Variants in SETMAR observed in about 807,000 individuals in gnomAD.
The protein encoded by SETMAR is SET and mariner transposase domain methyltransferase.
In SETMAR, 44 loss-of-function variants were observed where a neutral mutation model predicts 58.4. The ratio of observed to expected loss-of-function variants is 0.75; its 90% confidence interval spans 0.59 to 0.97. SETMAR has a LOEUF of 0.97. SETMAR is among the 50% of genes least tolerant of loss of function. The pLI, the probability that SETMAR is intolerant of heterozygous loss-of-function variation, is 0.00. For missense variants in SETMAR, 903 were observed against 840.2 expected (o/e 1.07, Z -0.92); for synonymous variants, 332 against 307.4 (o/e 1.08, Z -0.84).
intron 1 of SETMAR, chr3:4,303,938 A>G: frequency 8.9e-7 from 1 of 1,129,904 alleles, no homozygotes; most frequent in Non-Finnish European, 1.1e-6. Context: ...CCCTCGAGTC[A>G]GCCTTAGCTG....
Position 4,313,600 on chromosome 3 carries a change from T to G in SETMAR, c.859T>G (p.Cys287Gly). ...AGATCATGGGAAACTAAGGAAACCT[T>G]GTTACTGTGGTGCCAAATCATGTAC... is the stretch of plus-strand genomic sequence containing the variant. Reference protein sequence around the residue: ...RLDHGKLRKPCYCGAKSCTAF... With the variant: ...RLDHGKLRKPGYCGAKSCTAF... The change falls in exon 2 of 3, where the codon TGT (cysteine) becomes GGT (glycine). Residue 287 changes from cysteine to glycine, a missense_variant. Coordinates refer to ENST00000358065, the MANE Select transcript of SETMAR (RefSeq NM_006515.4). 1 of 1,614,074 alleles carries G rather than the reference T, an allele frequency of 6.2e-7. No homozygotes were observed. The highest frequency in any genetic ancestry group is 8.5e-7 in the Non-Finnish European group (1 of 1,179,976).
chr3:4,312,920 G>C lies in SETMAR; in HGVS notation c.179G>C (p.Gly60Ala). The C allele has an allele frequency of 1.2e-6, 2 of 1,612,782 alleles. No individual in the cohort carries two copies. Among genetic ancestry groups the C allele is most frequent in the Non-Finnish European group, 8.5e-7 (1 of 1,179,210 alleles). ...PFQYTPDHVV[G>A]PGADIDPTQI... is the part of the protein sequence containing the mutation. The stretch of plus-strand genomic sequence containing the variant: ...CAGTACACTCCTGATCATGTAGTTG[G>C]ACCTGGAGCAGACATTGATCCCACT... The change falls in exon 2 of 3, where the codon GGA (glycine) becomes GCA (alanine). Residue 60 changes from glycine (G) to alanine (A), a missense_variant. Coordinates refer to ENST00000358065, the MANE Select transcript of SETMAR (RefSeq NM_006515.4).
chr3:4,309,501 C>T (rs774765991), intron 1 of SETMAR, among the ~76,000 whole-genome samples: 8 of 152,160 alleles, frequency 5.3e-5, no homozygotes, highest in Non-Finnish European at 7.4e-5. Context: ...AAACATAACA[C>T]AAACTGGCTC....
intron 1 of SETMAR, among the ~76,000 whole-genome samples, chr3:4,306,968 G>T (rs1698213319): frequency 6.6e-6 from 1 of 152,202 alleles, no homozygotes; most frequent in South Asian, 2.1e-4. Flanking sequence ...TCAGGTCTCT[G>T]AAACCAGCTT....
Position 4,313,268 on chromosome 3 carries a change from C to T in SETMAR, c.527C>T (p.Ser176Phe). 2 of 1,613,950 alleles carry T rather than the reference C, an allele frequency of 1.2e-6. No individual in the cohort carries two copies. The highest frequency in any genetic ancestry group is 1.7e-6 in the Non-Finnish European group (2 of 1,179,958). Residue 176 changes from serine to phenylalanine, a missense_variant, in exon 2 of 3, where the codon TCT becomes TTT. Transcript: ENST00000358065. ...CEYAGEVLGF[S>F]EVQRRIHLQT... Reference sequence around the variant, plus strand: ...TATGCTGGTGAGGTTTTAGGATTCTCTGAAGTTCAGAGAAGAATTCACTTA... The same window carrying T: ...TATGCTGGTGAGGTTTTAGGATTCTTTGAAGTTCAGAGAAGAATTCACTTA...
intron 1 of SETMAR, among the ~76,000 whole-genome samples, chr3:4,311,861 C>A (rs1698418374): frequency 1.3e-5 from 2 of 152,144 alleles, no homozygotes; most frequent in South Asian, 4.1e-4. Flanking sequence ...TTACTATATA[C>A]ATAAAAAAAT....
rs367907715 is a variant in SETMAR at position 4,311,292 on chromosome 3, C to T, written c.157-1606C>T. 1.1e-4 allele frequency among the ~76,000 whole-genome samples: 16 copies of T among 152,252 alleles called. 1 individual carries two copies. In the East Asian group the frequency reaches 1.9e-3, roughly 18 times the overall value. ...AGTATAACTATCTGCTGTTCAATAC[C>T]TTTCTAAAGCCTGGCCTGGAGACAA... is the stretch of plus-strand genomic sequence containing the variant. On this transcript the variant is annotated intron_variant, in intron 1 of 2. Coordinates refer to ENST00000358065, the MANE Select transcript of SETMAR (RefSeq NM_006515.4).
rs1184854207 is a variant in SETMAR, at chr3:4,316,650, C to T, written c.1459C>T (p.Pro487Ser). The change falls in exon 3 of 3, where the codon CCA becomes TCA. Residue 487 changes from proline to serine, a missense_variant. Transcript: ENST00000358065. ...SSLILRNHNE[P>S]FLDRIVTCDE... ...TCTTATTCTACGCAACCACAACGAA[C>T]CATTTCTCGATCGGATTGTGACGTG... 4 of 1,551,086 alleles carry T rather than the reference C, an allele frequency of 2.6e-6. No individual in the cohort carries two copies. Among genetic ancestry groups the T allele is most frequent in the Admixed American group, 3.9e-5 (2 of 50,966 alleles).
intron 1 of SETMAR, chr3:4,303,736 T>G: frequency 6.7e-7 from 1 of 1,494,366 alleles, no homozygotes; most frequent in Non-Finnish European, 9.0e-7. Flanking sequence ...GTTGTCCTTT[T>G]CAGTCCATTC....
In SETMAR at chr3:4,317,059, A is replaced by C. The variant is rs765416778; in HGVS notation, c.1868A>C (p.Asn623Thr). The change falls in exon 3 of 3, where the codon AAC (asparagine) becomes ACC (threonine). Residue 623 changes from asparagine (N) to threonine (T), a missense_variant. Physicochemically the swap from Asn to Thr is moderately conservative, Grantham distance 65. Coordinates refer to ENST00000358065, the MANE Select transcript of SETMAR (RefSeq NM_006515.4). ...PPYSPDLLPT[N>T]YHVFKHLNNF... ...TATTCACCTGACCTCTTGCCAACCA[A>C]CTACCACGTCTTTAAGCATCTCAAC... The C allele has an allele frequency of 1.9e-6, 3 of 1,549,186 alleles. No individual in the cohort carries two copies. In the Admixed American group the frequency reaches 5.9e-5, roughly 30 times the overall value.
intron 1 of SETMAR, among the ~76,000 whole-genome samples, chr3:4,308,564 T>G (rs575541102): frequency 1.2e-3 from 179 of 152,318 alleles, no homozygotes; most frequent in Non-Finnish European, 2.2e-3. Context: ...CCACCCCAAA[T>G]GTGGGTATTA....
intron 1 of SETMAR, among the ~76,000 whole-genome samples, chr3:4,309,391 A>G (rs1288959288): frequency 6.6e-6 from 1 of 152,068 alleles, no homozygotes; most frequent in African/African-American, 2.4e-5. Flanking sequence ...GGGATTTAGA[A>G]TTTTATTTTT....
rs545181080 is a variant in SETMAR, at chr3:4,307,940, T to C, written c.156+4414T>C. On this transcript the variant is annotated intron_variant, in intron 1 of 2. Transcript: ENST00000358065. ...GGTGCATGCCTGTAGTCCCACCTAC[T>C]TGGGAGGCTGACCTTGAGCCCAGCA... Among the ~76,000 whole-genome samples the C allele has an allele frequency of 7.9e-5, 12 of 152,234 alleles. No individual in the cohort carries two copies. The South Asian group carries it at 2.3e-3, about 29-fold the overall frequency.
intron 2 of SETMAR, among the ~76,000 whole-genome samples, chr3:4,315,539 C>G (rs916790433): frequency 5.9e-5 from 9 of 152,166 alleles, no homozygotes; most frequent in Non-Finnish European, 1.2e-4. Context: ...TATTATATAG[C>G]ACTTAATCCT....
chr3:4,304,579 T>C (rs1459488430), intron 1 of SETMAR, among the ~76,000 whole-genome samples: 1 of 152,196 alleles, frequency 6.6e-6, no homozygotes, highest in Non-Finnish European at 1.5e-5. Flanking sequence ...TCTTAGCTAC[T>C]TCCCAGAGCC....
At chr3:4,310,195 A>G (rs1416532431) in intron 1 of SETMAR, among the ~76,000 whole-genome samples, 2 of 152,218 alleles carry the variant, frequency 1.3e-5, no homozygotes, top group Non-Finnish European at 2.9e-5. Context: ...GCACATGACT[A>G]CTCGAAGTTT....
Position 4,303,443 on chromosome 3 carries a change from A to G in SETMAR, c.73A>G (p.Thr25Ala), listed in dbSNP as rs1344326911. The stretch of plus-strand genomic sequence containing the variant: ...GTTTAAGGAGAAGCCTGAGGCCCCG[A>G]CTGAGCAGCTGGATGTCGCGTGCGG... ...AEFKEKPEAP[T>A]EQLDVACGQE... The change falls in exon 1 of 3, where the codon ACT (threonine) becomes GCT (alanine). Residue 25 changes from threonine to alanine, a missense_variant. Thr to Ala is a moderately conservative substitution (Grantham distance 58). Transcript: ENST00000358065. 1.3e-6 allele frequency: 2 copies of G among 1,550,580 alleles called. No individual in the cohort carries two copies. The highest frequency in any genetic ancestry group is 1.7e-6 in the Non-Finnish European group (2 of 1,153,806).
intron 1 of SETMAR, among the ~76,000 whole-genome samples, chr3:4,308,779 C>T (rs1243266838): frequency 6.6e-6 from 1 of 152,204 alleles, no homozygotes; most frequent in Non-Finnish European, 1.5e-5. Context: ...AGTCTAACCT[C>T]CTAATTGAAG....
intron 2 of SETMAR, chr3:4,314,362 A>G (rs1373901124): frequency 2.6e-5 from 4 of 151,774 alleles, no homozygotes; most frequent in African/African-American, 4.8e-5. Flanking sequence ...TTGCCAACCA[A>G]TTTTAACAGT....
Sources: gnomAD v4.1 joint callset for allele counts (sites outside exome capture counted in the v4.1 genomes callset) on GRCh38, gnomAD v4.1.1 for gene constraint, MANE v1.5 for transcripts, NCBI Gene and HGNC (gene_info 2026-07-23, HGNC 2026-07-21) for gene names.